The following PHF8 variants were observed in gnomAD, a reference collection of about 807,000 sequenced individuals.
PHF8 encodes the protein histone lysine demethylase PHF8.
PHF8 carries 9 observed loss-of-function variants against 74.4 expected under a neutral mutation model. The ratio of observed to expected loss-of-function variants is 0.12; its 90% confidence interval spans 0.07 to 0.21. PHF8 has a LOEUF of 0.21. Among genes scored for constraint, PHF8 ranks in the 10% least tolerant of loss-of-function variants. The pLI, the probability that PHF8 is intolerant of heterozygous loss-of-function variation, is 1.00. For missense variants in PHF8, 478 were observed against 816.6 expected (o/e 0.59, Z 5.05); for synonymous variants, 311 against 316.6 (o/e 0.98, Z 0.19).
intron 2 of PHF8, among the ~76,000 whole-genome samples, chrX:54,025,201 T>C (rs1169059969): frequency 7.2e-5 from 8 of 111,799 alleles, no homozygotes; most frequent in Non-Finnish European, 1.5e-4. Context: ...TTTCTAGTAA[T>C]TCTTTTTTTA....
At chrX:53,942,124 C>T (rs1230800111) in intron 20 of PHF8, among the ~76,000 whole-genome samples, 1 of 112,027 alleles carries the variant, frequency 8.9e-6, no homozygotes, top group Non-Finnish European at 1.9e-5. Flanking sequence ...ACCACTTTCA[C>T]CTTGCCAATC....
chrX:54,045,781 CAG>C (rs1398333055), upstream of PHF8, among the ~76,000 whole-genome samples: 1 of 112,024 alleles, frequency 8.9e-6, no homozygotes, highest in Non-Finnish European at 1.9e-5. Flanking sequence ...ACAAGGAAAA[CAG>C]AAGAGAGATA....
At chrX:53,962,770 T>G in intron 19 of PHF8, 74 bp downstream of exon 19, 1 of 606,660 alleles carries the variant, frequency 1.6e-6, no homozygotes, top group South Asian at 2.2e-5. Context: ...CTTCTGATAT[T>G]AAATATCCCA....
chrX:53,988,442 C>T (rs2065600981), intron 14 of PHF8, among the ~76,000 whole-genome samples: 1 of 110,075 alleles, frequency 9.1e-6, no homozygotes, highest in Non-Finnish European at 1.9e-5. Flanking sequence ...AAATGTAAAA[C>T]CTAAAACTAT....
chrX:53,940,621 C>T, intron 20 of PHF8, 105 bp from the exon 21 acceptor site: 1 of 567,220 alleles, frequency 1.8e-6, no homozygotes, highest in Non-Finnish European at 3.0e-6. Context: ...CAACCTGCCA[C>T]CCTCTCCCTT....
chrX:54,031,152 A>G (rs1448353637), intron 2 of PHF8, among the ~76,000 whole-genome samples: 2 of 111,581 alleles, frequency 1.8e-5, no homozygotes, highest in Non-Finnish European at 3.8e-5. Flanking sequence ...TGTAACCAGG[A>G]TATAATGTGG....
At position 53,939,123 on chromosome X, in the gene PHF8, G is replaced by T. The variant is rs782148008; in HGVS notation, c.*35C>A. ...AGAGTTGACAATGGAGAAGGCAATGGGGGTAAAGGGGTGAGGGGTGGGACA... is the reference window on the plus strand; with the variant it reads ...AGAGTTGACAATGGAGAAGGCAATGTGGGTAAAGGGGTGAGGGGTGGGACA... On this transcript the variant is annotated 3_prime_UTR_variant, in exon 22 of 22. Coordinates refer to ENST00000338154, the MANE Select transcript of PHF8 (RefSeq NM_015107.3). 1.7e-6 allele frequency: 2 copies of T among 1,202,801 alleles called. No individual in the cohort carries two copies. Among genetic ancestry groups the T allele is most frequent in the Admixed American group, 4.4e-5 (2 of 45,292 alleles).
intron 19 of PHF8, among the ~76,000 whole-genome samples, chrX:53,946,203 C>A (rs782515112): frequency 2.1e-4 from 23 of 112,047 alleles, no homozygotes; most frequent in African/African-American, 7.1e-4. Context: ...GATATTCACA[C>A]AGCACCAAAA....
At position 53,937,961 on chromosome X, in the gene PHF8, C is replaced by T; in HGVS notation, c.*1197G>A. The T allele has an allele frequency of 8.8e-7, 1 of 1,142,831 alleles. No homozygotes were observed. The highest frequency in any genetic ancestry group is 3.3e-5 in the East Asian group (1 of 30,587). 94.2% of individuals were successfully genotyped at this position (1,142,831 alleles called of 1,213,427 possible). On this transcript the variant is annotated 3_prime_UTR_variant, in exon 22 of 22. Transcript: ENST00000338154. ...AGGAAGGACAGGGGAAGGGGAGGAT[C>T]GGATGGATGGTCTGCTCCTTCACGG...
chrX:54,003,428 G>A (rs893689861), intron 8 of PHF8, among the ~76,000 whole-genome samples: 3 of 111,384 alleles, frequency 2.7e-5, no homozygotes, highest in Non-Finnish European at 5.7e-5. Flanking sequence ...AGGCCGAGGC[G>A]GGTGGGTCAC....
intron 14 of PHF8, among the ~76,000 whole-genome samples, chrX:53,990,401 C>T (rs781886415): frequency 3.6e-5 from 4 of 110,633 alleles, no homozygotes; most frequent in Admixed American, 1.9e-4. Context: ...ACAGCTGCAG[C>T]GGGTAATAGG....
rs1248498836 is a variant in PHF8, at chrX:53,976,906, T to C, written c.2443+8008A>G. Among the ~76,000 whole-genome samples the C allele has an allele frequency of 1.3e-4, 15 of 111,776 alleles. No individual in the cohort carries two copies. The East Asian group carries it at 3.9e-3, about 29-fold the overall frequency. ...CCAATTCCTTGAAAGATACAAACTA[T>C]AAAAACTCACCCAAACTCTTTCCCC... On this transcript the variant is annotated intron_variant, in intron 18 of 21. Coordinates refer to ENST00000338154, the MANE Select transcript of PHF8 (RefSeq NM_015107.3).
intron 14 of PHF8, 139 bp from the exon 15 acceptor site, chrX:53,988,083 T>C: frequency 3.8e-6 from 2 of 525,712 alleles, no homozygotes; most frequent in Non-Finnish European, 6.5e-6. Flanking sequence ...AAAAAGCTGA[T>C]AGTAAAACGT....
intron 18 of PHF8, among the ~76,000 whole-genome samples, chrX:53,978,525 G>A (rs1385952249): frequency 1.4e-4 from 16 of 111,243 alleles, no homozygotes; most frequent in Non-Finnish European, 2.8e-4. Context: ...TGGGCCGGGT[G>A]CAGTGGCTTA....
At chrX:54,034,781 G>A (rs1297529655) in intron 2 of PHF8, among the ~76,000 whole-genome samples, 1 of 95,418 alleles carries the variant, frequency 1.0e-5, no homozygotes, top group Admixed American at 1.3e-4. Context: ...CCGAGATCAC[G>A]CCACTGCACT....
Position 54,022,238 on chromosome X carries a change from AC to A in PHF8, c.293+20del. 1 of 958,034 alleles carries A rather than the reference AC, an allele frequency of 1.0e-6. No homozygotes were observed. Among genetic ancestry groups the A allele is most frequent in the Non-Finnish European group, 1.5e-6 (1 of 664,027 alleles). 79.0% of individuals were successfully genotyped at this position (958,034 alleles called of 1,213,427 possible). A position where few individuals can be genotyped will look rare whatever the true frequency, so the allele number is the denominator to read the frequency against. Reference sequence around the variant, plus strand: ...CCCAGAGCCCTGGCATTCACCAGCCACTGGAGGCAGGGTTCCTCACCTGTCA... The same window carrying A: ...CCCAGAGCCCTGGCATTCACCAGCCATGGAGGCAGGGTTCCTCACCTGTCA... On this transcript the variant is annotated intron_variant, in intron 4 of 21. Transcript: ENST00000338154.
rs782109760 is a variant in PHF8 at position 53,957,181 on chromosome X, C to T, written c.2539+5663G>A. On this transcript the variant is annotated intron_variant, in intron 19 of 21. Transcript: ENST00000338154. ...CCAACATGGTGAAATGCCGTCTCTA[C>T]TAAAAATACAAAAAAAAAAAAAAAA... 1.3e-4 allele frequency among the ~76,000 whole-genome samples: 12 copies of T among 94,022 alleles called. No homozygotes were observed. The East Asian group carries it at 3.1e-3, about 24-fold the overall frequency. The allele number at this position is 94,022 out of a possible 115,157, so 81.6% of individuals were successfully genotyped here.
At chrX:53,987,431 T>G (rs1256347609) in intron 15 of PHF8, among the ~76,000 whole-genome samples, 1 of 111,756 alleles carries the variant, frequency 8.9e-6, no homozygotes, top group East Asian at 2.8e-4. Context: ...GGGCAAGGGC[T>G]GGGCGTGGTG....
rs1278055939 is a variant in PHF8 at position 54,035,186 on chromosome X, G to A, written c.98+7445C>T. ...AACCTGGTCAACATAGTGAAAACTC[G>A]TCTCTACTAAAAATACAAAAATTAG... On this transcript the variant is annotated intron_variant, in intron 2 of 21. Coordinates refer to ENST00000338154, the MANE Select transcript of PHF8 (RefSeq NM_015107.3). Among the ~76,000 whole-genome samples the A allele has an allele frequency of 7.4e-5, 8 of 107,964 alleles. No individual in the cohort carries two copies. The Middle Eastern group carries it at 0.019, about 257-fold the overall frequency. 93.8% of individuals were successfully genotyped at this position (107,964 alleles called of 115,157 possible). A position where few individuals can be genotyped will look rare whatever the true frequency, so the allele number is the denominator to read the frequency against.
Sources: gnomAD v4.1 joint callset for allele counts (sites outside exome capture counted in the v4.1 genomes callset) on GRCh38, gnomAD v4.1.1 for gene constraint, MANE v1.5 for transcripts, NCBI Gene and HGNC (gene_info 2026-07-23, HGNC 2026-07-21) for gene names.